Variants in TMC6 observed in about 807,000 individuals in gnomAD.
TMC6 encodes the protein transmembrane channel-like protein 6.
Under a neutral mutation model 95.4 loss-of-function variants are expected in TMC6, and 71 were observed. The ratio of observed to expected loss-of-function variants is 0.74; its 90% CI spans 0.61 to 0.91. The LOEUF is 0.91. TMC6 is among the 40% of genes least tolerant of loss of function. TMC6 has a pLI of 0.00. For synonymous variants in TMC6, 514 were observed against 483.1 expected, an observed-to-expected ratio of 1.06 and a Z score of -0.84; for missense variants, 1,074 against 1,079.1, an observed-to-expected ratio of 1.00 and a Z score of 0.07.
chr17:78,120,660 C>A lies in TMC6; in HGVS notation c.1708G>T (p.Val570Leu). ...MLLDTLFGELVWRIISEKKLK... is the reference protein window; with the variant it reads ...MLLDTLFGELLWRIISEKKLK... ...CGCCCAGGACCCCCTCACCTCCACA[C>A]CAGTTCCCCAAAAAGCGTGTCCAGC... Residue 570 changes from valine (V) to leucine (L), a missense_variant, in exon 13 of 20, where the codon GTG becomes TTG. Physicochemically the swap from Val to Leu is conservative, Grantham distance 32. Transcript: ENST00000590602. 2 of 1,614,066 alleles carry A rather than the reference C, an allele frequency of 1.2e-6. No individual in the cohort carries two copies. Among genetic ancestry groups the A allele is most frequent in the East Asian group, 4.5e-5 (2 of 44,882 alleles).
At chr17:78,115,702 G>GACCAGCT (rs1567983102) in intron 18 of TMC6, among the ~76,000 whole-genome samples, 1 of 26,738 alleles carries the variant, frequency 3.7e-5, no homozygotes, top group Non-Finnish European at 7.3e-5. Flanking sequence ...TGGGCACAGG[G>GACCAGCT]GCGAAGGGAG....
intron 13 of TMC6, chr17:78,119,663 C>T: frequency 2.0e-6 from 1 of 506,706 alleles, no homozygotes; most frequent in South Asian, 2.0e-5. Flanking sequence ...GAAACAGGGT[C>T]TGGCTCTGTT....
chr17:78,120,401 C>A, intron 13 of TMC6: 1 of 578,788 alleles, frequency 1.7e-6, no homozygotes, highest in Non-Finnish European at 3.2e-6. Context: ...CTCAGGTGAT[C>A]CACTCACCTC....
rs2073740172 is a variant in TMC6 at position 78,108,231 on chromosome 17, C to G, written c.*4917G>C. ...TCAATTCCTTCGAAAAGATGGGACC[C>G]GCACCCCCGCCACAGGCTGGCCCCC... On this transcript the variant is annotated 3_prime_UTR_variant, in exon 20 of 20. Coordinates refer to ENST00000590602, the MANE Select transcript of TMC6 (RefSeq NM_001127198.5). The G allele has an allele frequency of 6.5e-6, 1 of 153,128 alleles. No individual in the cohort carries two copies. Among genetic ancestry groups the G allele is most frequent in the Non-Finnish European group, 1.5e-5 (1 of 68,314 alleles). 9.5% of individuals were successfully genotyped at this position (153,128 alleles called of 1,614,324 possible). A position where few individuals can be genotyped will look rare whatever the true frequency, so the allele number is the denominator to read the frequency against.
rs1207676661 is a variant in TMC6, at chr17:78,112,960, G to C, written c.*188C>G. 11 of 648,122 alleles carry C rather than the reference G, an allele frequency of 1.7e-5. No homozygotes were observed. The highest frequency in any genetic ancestry group is 5.4e-5 in the African/African-American group (3 of 55,268). 40.1% of individuals were successfully genotyped at this position (648,122 alleles called of 1,614,324 possible). ...TTTAATCAGAATAAATAGAGTCCCA[G>C]GCAGGGCAGAGTTCATTGGGGATGC... On this transcript the variant is annotated 3_prime_UTR_variant, in exon 20 of 20. Coordinates refer to ENST00000590602, the MANE Select transcript of TMC6 (RefSeq NM_001127198.5).
Position 78,110,960 on chromosome 17 carries a change from G to A in TMC6, c.*2188C>T, listed in dbSNP as rs1249940711. On this transcript the variant is annotated 3_prime_UTR_variant, in exon 20 of 20. Transcript: ENST00000590602. Reference sequence around the variant, plus strand: ...GTGGGTCCGGAGACAGAAACGAGGAGAGGACGGGCTCACCCAGCCGTGGGG... The same window carrying A: ...GTGGGTCCGGAGACAGAAACGAGGAAAGGACGGGCTCACCCAGCCGTGGGG... 6.6e-6 allele frequency: 1 copy of A among 152,260 alleles called. No individual in the cohort carries two copies. 9.4% of individuals were successfully genotyped at this position (152,260 alleles called of 1,614,324 possible).
intron 7 of TMC6, 28 bp from the exon 8 acceptor site, chr17:78,124,809 G>A: frequency 1.9e-6 from 3 of 1,578,228 alleles, no homozygotes; most frequent in Non-Finnish European, 2.6e-6. Context: ...GAGGCCCTGA[G>A]GGTGAGGCCG....
chr17:78,123,417 GGATA>G (rs1387786998), intron 9 of TMC6, among the ~76,000 whole-genome samples: 2 of 151,750 alleles, frequency 1.3e-5, no homozygotes, highest in African/African-American at 4.8e-5. Context: ...ATGAATGGGT[GGATA>G]GATAAGGAGG....
At chr17:78,131,278 C>T (rs1423611552), upstream of TMC6, 1 of 512,758 alleles carries the variant, frequency 2.0e-6, no homozygotes, top group East Asian at 3.6e-5. Context: ...CCCCATTTGA[C>T]AGATGGGGAG....
rs370071234 is a variant in TMC6, at chr17:78,124,786, G to A, written c.634-5C>T. On this transcript the variant is annotated splice_region_variant and splice_polypyrimidine_tract_variant and intron_variant, in intron 7 of 19. Coordinates refer to ENST00000590602, the MANE Select transcript of TMC6 (RefSeq NM_001127198.5). ...CAGGCCCAGGCTGTGCAAGGCCTGC[G>A]GGCACAGGCAGAGAGGCCCTGAGGG... 79 of 1,580,332 alleles carry A rather than the reference G, an allele frequency of 5.0e-5. No homozygotes were observed. Among genetic ancestry groups the A allele is most frequent in the South Asian group, 3.3e-4 (29 of 87,402 alleles).
rs1333328713 is a variant in TMC6, at chr17:78,126,896, G to A, written c.-64C>T. On this transcript the variant is annotated 5_prime_UTR_variant, in exon 2 of 20. Transcript: ENST00000590602. ...AGCTCAGAGCCTGGGCGCCACCTCC[G>A]GAGCCCCCATCTGATGAGACAGGGG... The A allele has an allele frequency of 2.1e-5, 33 of 1,579,790 alleles. No individual in the cohort carries two copies. The highest frequency in any genetic ancestry group is 2.3e-5 in the East Asian group (1 of 43,264).
Position 78,118,846 on chromosome 17 carries a change from A to G in TMC6, c.1887+125T>C, listed in dbSNP as rs1215371683. On this transcript the variant is annotated intron_variant, in intron 15 of 19. Coordinates refer to ENST00000590602, the MANE Select transcript of TMC6 (RefSeq NM_001127198.5). ...GGAGGGACAGGCCAGGGCAGCCCCGAGCCGCCAGCCCCACTCCACTCAGGT... is the reference window on the plus strand; with the variant it reads ...GGAGGGACAGGCCAGGGCAGCCCCGGGCCGCCAGCCCCACTCCACTCAGGT... 3 of 1,079,942 alleles carry G rather than the reference A, an allele frequency of 2.8e-6. No homozygotes were observed. In the Admixed American group the frequency reaches 6.0e-5, roughly 22 times the overall value. The allele number at this position is 1,079,942 out of a possible 1,614,324, so 66.9% of individuals were successfully genotyped here. A position where few individuals can be genotyped will look rare whatever the true frequency, so the allele number is the denominator to read the frequency against.
At chr17:78,131,375 AGCCCC>A (rs2074959654), upstream of TMC6, 1 of 647,620 alleles carries the variant, frequency 1.5e-6, no homozygotes, top group Non-Finnish European at 2.6e-6. Context: ...CTCATTTCTG[AGCCCC>A]GGAGGTGGCA....
At chr17:78,125,592 A>T in intron 5 of TMC6, 134 bp downstream of exon 5, 1 of 1,362,690 alleles carries the variant, frequency 7.3e-7, no homozygotes, top group Non-Finnish European at 9.9e-7. Context: ...GGGGGCCTTC[A>T]GGCAGCCTGC....
At position 78,110,824 on chromosome 17, in the gene TMC6, CAG is replaced by C. The variant is rs1292084926; in HGVS notation, c.*2322_*2323del. ...CATGAGGCGAGGAGCTGGGAGGTCACAGAACATGCCCCAGGGCACCCAGGGAC... is the reference window on the plus strand; with the variant it reads ...CATGAGGCGAGGAGCTGGGAGGTCACAACATGCCCCAGGGCACCCAGGGAC... On this transcript the variant is annotated 3_prime_UTR_variant, in exon 20 of 20. Coordinates refer to ENST00000590602, the MANE Select transcript of TMC6 (RefSeq NM_001127198.5). The C allele has an allele frequency of 1.3e-5, 2 of 152,338 alleles. No individual in the cohort carries two copies. The highest frequency in any genetic ancestry group is 6.5e-5 in the Admixed American group (1 of 15,282). The allele number at this position is 152,338 out of a possible 1,614,324, so 9.4% of individuals were successfully genotyped here.
Position 78,124,956 on chromosome 17 carries a change from C to T in TMC6, c.566G>A (p.Trp189Ter). The T allele has an allele frequency of 1.3e-6, 2 of 1,598,192 alleles. No homozygotes were observed. Among genetic ancestry groups the T allele is most frequent in the South Asian group, 2.2e-5 (2 of 89,406 alleles). ...REKSRTPRGK[W>*]RGQPGSGGVC... ...CCCGCCGCTGCCCGGCTGGCCCCTC[C>T]ACTTCCCCCTCGGGGTCCTGCTCTT... The change falls in exon 7 of 20, where the codon TGG becomes TAG. Residue 189 changes from tryptophan to a stop codon, truncating the protein, a stop_gained. Coordinates refer to ENST00000590602, the MANE Select transcript of TMC6 (RefSeq NM_001127198.5). LOFTEE classifies it high-confidence loss of function.
Position 78,123,297 on chromosome 17 carries a change from A to G in TMC6, c.1083-548T>C, listed in dbSNP as rs1226823776. ...CTAGGACATTTACCATCCTGCCCTGAGCTGAGCACAGAGAATGTTTGTGGA... is the reference window on the plus strand; with the variant it reads ...CTAGGACATTTACCATCCTGCCCTGGGCTGAGCACAGAGAATGTTTGTGGA... On this transcript the variant is annotated intron_variant, in intron 9 of 19. Coordinates refer to ENST00000590602, the MANE Select transcript of TMC6 (RefSeq NM_001127198.5). Among the ~76,000 whole-genome samples the G allele has an allele frequency of 3.3e-5, 5 of 152,330 alleles. 1 individual carries two copies. Among genetic ancestry groups the G allele is most frequent in the Admixed American group, 6.5e-5 (1 of 15,304 alleles).
At position 78,124,041 on chromosome 17, in the gene TMC6, G is replaced by C; in HGVS notation, c.1030C>G (p.Leu344Val). The C allele has an allele frequency of 2.5e-6, 4 of 1,613,708 alleles. No homozygotes were observed. Among genetic ancestry groups the C allele is most frequent in the Non-Finnish European group, 3.4e-6 (4 of 1,179,972 alleles). Reference protein sequence around the residue: ...GLPYNMPLAYLSTVGVSFFIT... With the variant: ...GLPYNMPLAYVSTVGVSFFIT... The stretch of plus-strand genomic sequence containing the variant: ...AAGAAGCTCACGCCCACAGTGGAGA[G>C]GTAGGCCAGGGGCATGTTGTAGGGC... The change falls in exon 9 of 20, where the codon CTC becomes GTC. Residue 344 changes from leucine (L) to valine (V), a missense_variant. Transcript: ENST00000590602.
intron 13 of TMC6, chr17:78,120,152 CTTTTTTTTTT>C (rs35789255): frequency 1.8e-4 from 27 of 151,484 alleles, no homozygotes; most frequent in Admixed American, 4.4e-4. Flanking sequence ...ATACACGTTA[CTTTTTTTTTT>C]TTTTTTTTTT....
Sources: gnomAD v4.1 joint callset for allele counts (sites outside exome capture counted in the v4.1 genomes callset) on GRCh38, gnomAD v4.1.1 for gene constraint, MANE v1.5 for transcripts, NCBI Gene and HGNC (gene_info 2026-07-23, HGNC 2026-07-21) for gene names.